WNT5A: variants seen among roughly 807,000 people sequenced by gnomAD.
The protein encoded by WNT5A is protein Wnt-5a.
A neutral mutation model predicts 42.1 loss-of-function variants in WNT5A; 9 were observed. That is an observed-to-expected ratio of 0.21 (90% CI 0.13 to 0.37). The LOEUF (loss-of-function observed/expected upper bound fraction) is 0.37, where lower values mean the gene tolerates loss of function less well. Among genes scored for constraint, WNT5A ranks in the 10% least tolerant of loss-of-function variants. The pLI is 1.00. For synonymous variants in WNT5A, 210 were observed against 210.0 expected (o/e 1.00, Z 0.00); for missense variants, 426 against 534.0 (o/e 0.80, Z 1.99).
At chr3:55,490,540 T>C (rs1432122465), upstream of WNT5A, 5 of 152,336 alleles carry the variant, frequency 3.3e-5, no homozygotes, top group African/African-American at 1.2e-4. Context: ...AGAAATTTCA[T>C]GATCTACCTT....
rs1259057179 is a variant in WNT5A at position 55,480,769 on chromosome 3, C to G, written c.140+16G>C. The stretch of plus-strand genomic sequence containing the variant: ...AGAAAAAGAAGAGGAAGAACACGCA[C>G]ATAGAATGAACTTACCACCAAGAAT... On this transcript the variant is annotated intron_variant, in intron 2 of 4. Transcript: ENST00000264634. 1 of 1,533,380 alleles carries G rather than the reference C, an allele frequency of 6.5e-7. No individual in the cohort carries two copies. The highest frequency in any genetic ancestry group is 8.8e-7 in the Non-Finnish European group (1 of 1,141,038). 95.0% of individuals were successfully genotyped at this position (1,533,380 alleles called of 1,614,324 possible).
chr3:55,491,054 C>A (rs562013947), upstream of WNT5A, among the ~76,000 whole-genome samples: 6 of 152,324 alleles, frequency 3.9e-5, no homozygotes, highest in East Asian at 1.2e-3. Flanking sequence ...GTCCTCAGAA[C>A]AATGCCTGGC....
At position 55,469,964 on chromosome 3, in the gene WNT5A, A is replaced by C; in HGVS notation, c.*128T>G. On this transcript the variant is annotated 3_prime_UTR_variant, in exon 5 of 5. Transcript: ENST00000264634. ...AGAGTTCTTAGATGGTAACAGGAAA[A>C]AAAATGGTTCCGGTTGCAATTCTTG... is the stretch of plus-strand genomic sequence containing the variant. The C allele has an allele frequency of 1.8e-6, 2 of 1,083,382 alleles. No homozygotes were observed. Among genetic ancestry groups the C allele is most frequent in the Non-Finnish European group, 1.4e-6 (1 of 740,452 alleles). The allele number at this position is 1,083,382 out of a possible 1,614,324, so 67.1% of individuals were successfully genotyped here.
chr3:55,486,880 G>C, intron 1 of WNT5A, 100 bp downstream of exon 1: 1 of 869,380 alleles, frequency 1.2e-6, no homozygotes, highest in Non-Finnish European at 1.9e-6. Flanking sequence ...AGGCGGTTGG[G>C]GAAATGGAGG....
chr3:55,470,545 C>T lies in WNT5A; in HGVS notation c.690G>A (p.Val230=). 6.5e-7 allele frequency: 1 copy of T among 1,538,324 alleles called. No homozygotes were observed. The highest frequency in any genetic ancestry group is 8.8e-7 in the Non-Finnish European group (1 of 1,141,322). Residue 230 remains valine (V), a synonymous_variant, in exon 5 of 5, where the codon GTG becomes GTA. Coordinates refer to ENST00000264634, the MANE Select transcript of WNT5A (RefSeq NM_003392.7). ...TGCAGGCCACATCAGCCAGGTTGTA[C>T]ACCGTCTGCAGGGAAATGGGGGCAA... ...LHNNEAGRRT[V]YNLADVACKC...
At chr3:55,481,416 T>C (rs1434727494) in intron 1 of WNT5A, 20 of 980,068 alleles carry the variant, frequency 2.0e-5, no homozygotes, top group Admixed American at 6.3e-5. Context: ...CGCCAGAGGC[T>C]GCCAAGGAGG....
chr3:55,499,971 T>TTCCC, the WNT5A span, among the ~76,000 whole-genome samples: 5 of 84,866 alleles, frequency 5.9e-5, no homozygotes, highest in African/African-American at 3.4e-4. Context: ...CGAGACTCCA[T>TTCCC]CCCCCCTCCA....
upstream of WNT5A, among the ~76,000 whole-genome samples, chr3:55,488,679 G>A (rs1350357613): frequency 6.6e-6 from 1 of 152,038 alleles, no homozygotes; most frequent in Non-Finnish European, 1.5e-5. Flanking sequence ...GAAAGAGAGA[G>A]GTCCACTCCG....
In WNT5A at chr3:55,479,527, C is replaced by T. The variant is rs1033182214; in HGVS notation, c.178G>A (p.Val60Ile). 2.5e-6 allele frequency: 4 copies of T among 1,613,136 alleles called. No homozygotes were observed. In the African/African-American group the frequency reaches 4.0e-5, roughly 16 times the overall value. Reference protein sequence around the residue: ...GMNNPVQMSEVYIIGAQPLCS... With the variant: ...GMNNPVQMSEIYIIGAQPLCS... Reference sequence around the variant, plus strand: ...AGAGGCTGTGCTCCTATAATATATACTTCTGACATCTGAACAGGGTTATTC... The same window carrying T: ...AGAGGCTGTGCTCCTATAATATATATTTCTGACATCTGAACAGGGTTATTC... Residue 60 changes from valine to isoleucine, a missense_variant, in exon 3 of 5, where the codon GTA becomes ATA. By Grantham distance (29) the Val-to-Ile change is conservative. Around this residue, in one of 3 missense-constraint regions of WNT5A, gnomAD observed 358 missense variants for 468.1 expected, o/e 0.76. Coordinates refer to ENST00000264634, the MANE Select transcript of WNT5A (RefSeq NM_003392.7).
rs2107009478 is a variant in WNT5A at position 55,487,123 on chromosome 3, G to A, written c.-138C>T. The A allele has an allele frequency of 4.1e-6, 3 of 730,762 alleles. No individual in the cohort carries two copies. In the East Asian group the frequency reaches 8.1e-5, roughly 20 times the overall value. 45.3% of individuals were successfully genotyped at this position (730,762 alleles called of 1,614,324 possible). Reference sequence around the variant, plus strand: ...GAGTCCTCCGGCGCGCGTCCGGCGGGCGCAGTGAACCGGAGCTGAAGCGGG... The same window carrying A: ...GAGTCCTCCGGCGCGCGTCCGGCGGACGCAGTGAACCGGAGCTGAAGCGGG... On this transcript the variant is annotated 5_prime_UTR_variant, in exon 1 of 5. Coordinates refer to ENST00000264634, the MANE Select transcript of WNT5A (RefSeq NM_003392.7).
At chr3:55,481,625 G>A (rs1476479452) in intron 1 of WNT5A, among the ~76,000 whole-genome samples, 1 of 152,192 alleles carries the variant, frequency 6.6e-6, no homozygotes, top group Non-Finnish European at 1.5e-5. Flanking sequence ...AGAGCAGCCC[G>A]GATTTCCTTA....
intron 1 of WNT5A, among the ~76,000 whole-genome samples, chr3:55,484,676 G>A (rs1184076443): frequency 7.1e-6 from 1 of 141,126 alleles, no homozygotes; most frequent in Non-Finnish European, 1.5e-5. Flanking sequence ...GGCTTTCCAG[G>A]CCCCAGGATA....
chr3:55,503,194 G>C, the WNT5A span, among the ~76,000 whole-genome samples: 1 of 152,222 alleles, frequency 6.6e-6, no homozygotes, highest in Non-Finnish European at 1.5e-5. Flanking sequence ...TGGGATCTGA[G>C]CAAGGACCAG....
At chr3:55,504,411 C>A in the WNT5A span, among the ~76,000 whole-genome samples, 2 of 152,088 alleles carry the variant, frequency 1.3e-5, no homozygotes, top group Admixed American at 1.3e-4. Context: ...AGTTTTCCAA[C>A]CCCTGTGATG....
At chr3:55,501,768 G>A in the WNT5A span, 7 of 152,174 alleles carry the variant, frequency 4.6e-5, no homozygotes, top group South Asian at 2.1e-4. Flanking sequence ...AAGGGCATAC[G>A]CAAAGAAAAT....
chr3:55,490,046 C>G (rs1390526668), upstream of WNT5A: 1 of 152,288 alleles, frequency 6.6e-6, no homozygotes, highest in Non-Finnish European at 1.5e-5. Flanking sequence ...TGCAGCAGCT[C>G]CAAGAAGTGG....
chr3:55,470,506 C>T lies in WNT5A; in HGVS notation c.729G>A (p.Val243=), dbSNP rs1372463895. 5 of 1,589,704 alleles carry T rather than the reference C, an allele frequency of 3.1e-6. No homozygotes were observed. In the South Asian group the frequency reaches 5.7e-5, roughly 18 times the overall value. The change falls in exon 5 of 5, where the codon GTG becomes GTA. Residue 243 remains valine (V), a synonymous_variant. Transcript: ENST00000264634. ...LADVACKCHG[V]SGSCSLKTCW... ...ATGTCTTCAGGCTACATGAGCCGGA[C>T]ACCCCATGGCACTTGCAGGCCACAT... is the stretch of plus-strand genomic sequence containing the variant.
intron 3 of WNT5A, among the ~76,000 whole-genome samples, chr3:55,476,166 G>A (rs939094435): frequency 3.9e-5 from 6 of 152,202 alleles, no homozygotes; most frequent in African/African-American, 1.4e-4. Context: ...GGAGGACAGC[G>A]ATGCCAGTTT....
In WNT5A at chr3:55,470,566, G is replaced by T; in HGVS notation, c.685-16C>A. ...TGTACACCGTCTGCAGGGAAATGGG[G>T]GCAATCAATACACACATTCATGGAG... On this transcript the variant is annotated splice_polypyrimidine_tract_variant and intron_variant, in intron 4 of 4. Coordinates refer to ENST00000264634, the MANE Select transcript of WNT5A (RefSeq NM_003392.7). 1 of 1,501,226 alleles carries T rather than the reference G, an allele frequency of 6.7e-7. No homozygotes were observed. Among genetic ancestry groups the T allele is most frequent in the South Asian group, 1.3e-5 (1 of 75,498 alleles). 93.0% of individuals were successfully genotyped at this position (1,501,226 alleles called of 1,614,324 possible).
Sources: allele counts gnomAD v4.1 joint callset (sites outside exome capture counted in the v4.1 genomes callset), GRCh38; gene constraint gnomAD v4.1.1; regional missense constraint gnomAD v4.1.1; transcripts MANE v1.5; gene names NCBI Gene and HGNC (gene_info 2026-07-23, HGNC 2026-07-21).